The following B3GAT2 variants were observed in gnomAD, a reference collection of about 807,000 sequenced individuals.
B3GAT2 encodes galactosylgalactosylxylosylprotein 3-beta-glucuronosyltransferase 2.
Under a neutral mutation model 27.8 loss-of-function variants are expected in B3GAT2, and 26 were observed. That is an observed-to-expected ratio of 0.93 (90% CI 0.68 to 1.30). The LOEUF is 1.30. Ranked by LOEUF, B3GAT2 falls within the 50% of genes most tolerant of loss-of-function variation. The probability of loss-of-function intolerance (pLI) is 0.00; values close to 1 mark genes in which losing one functional copy is unlikely to be tolerated. For missense variants in B3GAT2, 458 were observed against 459.0 expected, an observed-to-expected ratio of 1.00 and a Z score of 0.02; for synonymous variants, 218 against 195.1, an observed-to-expected ratio of 1.12 and a Z score of -0.98.
At position 70,944,219 on chromosome 6, in the gene B3GAT2, G is replaced by T. The variant is rs2150050550; in HGVS notation, c.591+11620C>A. 2.0e-5 allele frequency among the ~76,000 whole-genome samples: 3 copies of T among 150,298 alleles called. No homozygotes were observed. In the Middle Eastern group the frequency reaches 0.01, roughly 518 times the overall value. On this transcript the variant is annotated intron_variant, in intron 1 of 3. Transcript: ENST00000230053. ...ATCTCACTAGGGAGTGCCAGACAGT[G>T]GGCGCAGGACAGTGGGTGCAGCACA...
chr6:70,927,617 C>T (rs143471138), intron 1 of B3GAT2, among the ~76,000 whole-genome samples: 3 of 152,108 alleles, frequency 2.0e-5, no homozygotes, highest in Non-Finnish European at 2.9e-5. Context: ...AATTCAACAA[C>T]AAGAGCTAAC....
chr6:70,922,298 T>A (rs1026655728), intron 1 of B3GAT2, among the ~76,000 whole-genome samples: 5 of 152,208 alleles, frequency 3.3e-5, no homozygotes, highest in Non-Finnish European at 7.4e-5. Flanking sequence ...TTTTATAGAA[T>A]AAGCACATGA....
chr6:70,870,317 C>G, intron 2 of B3GAT2, among the ~76,000 whole-genome samples: 1 of 145,116 alleles, frequency 6.9e-6, no homozygotes, highest in Non-Finnish European at 1.5e-5. Context: ...CGCATGTTCT[C>G]ACTCATAGGT....
intron 2 of B3GAT2, among the ~76,000 whole-genome samples, chr6:70,867,103 T>TA (rs1771863528): frequency 6.6e-6 from 1 of 152,128 alleles, no homozygotes; most frequent in Admixed American, 6.5e-5. Flanking sequence ...AGGGAAATGA[T>TA]AAAGTGGTTA....
chr6:70,951,373 A>G (rs1160505930), intron 1 of B3GAT2, among the ~76,000 whole-genome samples: 12 of 152,272 alleles, frequency 7.9e-5, no homozygotes, highest in East Asian at 1.9e-4. Flanking sequence ...AGAGGCAAGC[A>G]GAGTAGACAG....
Position 70,858,107 on chromosome 6 carries a change from G to C in B3GAT2, c.*3556C>G, listed in dbSNP as rs998945793. On this transcript the variant is annotated 3_prime_UTR_variant, in exon 4 of 4. Transcript: ENST00000230053. The stretch of plus-strand genomic sequence containing the variant: ...TGGGTTTATGGGAAATGCACAAACT[G>C]GTGTGATGCCACTTCCTCAGAACGT... 14 of 1,613,976 alleles carry C rather than the reference G, an allele frequency of 8.7e-6. No individual in the cohort carries two copies. Among genetic ancestry groups the C allele is most frequent in the Non-Finnish European group, 6.8e-6 (8 of 1,179,970 alleles).
intron 2 of B3GAT2, among the ~76,000 whole-genome samples, chr6:70,870,347 C>G (rs970000883): frequency 1.5e-5 from 2 of 134,734 alleles, no homozygotes; most frequent in Non-Finnish European, 3.0e-5. Flanking sequence ...ACGATGAGAA[C>G]ACATGGACAC....
rs529127953 is a variant in B3GAT2 at position 70,916,554 on chromosome 6, T to C, written c.592-22282A>G. Among the ~76,000 whole-genome samples, 85 of 152,294 alleles carry C rather than the reference T, an allele frequency of 5.6e-4. 1 individual carries two copies. The highest frequency in any genetic ancestry group is 5.4e-3 in the Admixed American group (82 of 15,288). Reference sequence around the variant, plus strand: ...GGTGTGTCATAAATAACTCTTACTGTTTTGAGATACATTCTATCAATACCT... The same window carrying C: ...GGTGTGTCATAAATAACTCTTACTGCTTTGAGATACATTCTATCAATACCT... On this transcript the variant is annotated intron_variant, in intron 1 of 3. Transcript: ENST00000230053.
At chr6:70,906,890 A>C (rs920242258) in intron 1 of B3GAT2, among the ~76,000 whole-genome samples, 9 of 152,220 alleles carry the variant, frequency 5.9e-5, no homozygotes, top group African/African-American at 1.7e-4. Flanking sequence ...AGGTGAGTGA[A>C]AAATCAATGA....
At position 70,860,188 on chromosome 6, in the gene B3GAT2, T is replaced by TATG. The variant is rs1484838349; in HGVS notation, c.*1472_*1474dup. 2 of 1,599,002 alleles carry TATG rather than the reference T, an allele frequency of 1.3e-6. No individual in the cohort carries two copies. The highest frequency in any genetic ancestry group is 1.7e-6 in the Non-Finnish European group (2 of 1,174,148). ...TAAGCCTCTTGAACTAAGCCTTTTA[T>TATG]ATGTTTCACAGATGAATCAGCAGAT... On this transcript the variant is annotated 3_prime_UTR_variant, in exon 4 of 4. Transcript: ENST00000230053.
intron 1 of B3GAT2, among the ~76,000 whole-genome samples, chr6:70,936,573 C>G (rs939868830): frequency 1.3e-5 from 2 of 152,088 alleles, no homozygotes; most frequent in Admixed American, 6.5e-5. Context: ...ACAGTGCAAT[C>G]AAACTAGAAC....
intron 2 of B3GAT2, among the ~76,000 whole-genome samples, chr6:70,870,951 A>T (rs147722184): frequency 6.6e-6 from 1 of 152,118 alleles, no homozygotes; most frequent in South Asian, 2.1e-4. Flanking sequence ...TAGTGTTTTT[A>T]TCATGAAAGA....
At chr6:70,891,220 A>G (rs490887) in intron 2 of B3GAT2, among the ~76,000 whole-genome samples, 116,624 of 152,128 alleles carry the variant, frequency 0.77, 44,730 homozygotes, top group East Asian at 0.87. Context: ...GCAGAGCTAT[A>G]TGGCTACTGG....
At chr6:70,936,442 G>A (rs1765282217) in intron 1 of B3GAT2, among the ~76,000 whole-genome samples, 1 of 152,036 alleles carries the variant, frequency 6.6e-6, no homozygotes, top group South Asian at 2.1e-4. Flanking sequence ...CAAATCAACA[G>A]AAAATACATT....
At chr6:70,891,305 A>G (rs957557231) in intron 2 of B3GAT2, among the ~76,000 whole-genome samples, 1 of 152,198 alleles carries the variant, frequency 6.6e-6, no homozygotes, top group African/African-American at 2.4e-5. Flanking sequence ...GGGCAGGCAT[A>G]TTAATTTTTT....
At chr6:70,901,500 G>T (rs905810634) in intron 1 of B3GAT2, among the ~76,000 whole-genome samples, 7 of 152,206 alleles carry the variant, frequency 4.6e-5, no homozygotes, top group Non-Finnish European at 1.0e-4. Flanking sequence ...GTGTGTCAAA[G>T]GGACATAGCC....
chr6:70,905,939 G>T (rs1190373446), intron 1 of B3GAT2, among the ~76,000 whole-genome samples: 2 of 151,976 alleles, frequency 1.3e-5, no homozygotes, highest in African/African-American at 4.8e-5. Context: ...TAGAGAGAGA[G>T]GGACTGGGGC....
chr6:70,948,901 C>T (rs1489974164), intron 1 of B3GAT2, among the ~76,000 whole-genome samples: 9 of 152,112 alleles, frequency 5.9e-5, no homozygotes, highest in African/African-American at 2.2e-4. Flanking sequence ...TCAGAAATAA[C>T]GCTGCATATC....
intron 1 of B3GAT2, among the ~76,000 whole-genome samples, chr6:70,937,932 G>A (rs1302591975): frequency 6.6e-6 from 1 of 151,926 alleles, no homozygotes. Flanking sequence ...GACATAAAGG[G>A]TATTCAATTA....
Sources: allele counts gnomAD v4.1 joint callset (sites outside exome capture counted in the v4.1 genomes callset), GRCh38; gene constraint gnomAD v4.1.1; transcripts MANE v1.5; gene names NCBI Gene and HGNC (gene_info 2026-07-23, HGNC 2026-07-21).